CDH8: variants seen among roughly 807,000 people sequenced by gnomAD.
CDH8 encodes the protein cadherin 8.
CDH8 carries 17 observed loss-of-function variants against 68.1 expected under a neutral mutation model. The ratio of observed to expected loss-of-function variants is 0.25; its 90% CI spans 0.17 to 0.37. The LOEUF (loss-of-function observed/expected upper bound fraction) is 0.37. CDH8 is among the 10% of genes least tolerant of loss of function. CDH8 has a pLI of 1.00. For synonymous variants in CDH8, 372 were observed against 365.1 expected (o/e 1.02, Z -0.21); for missense variants, 763 against 999.3 (o/e 0.76, Z 3.19).
chr16:61,751,382 TAAAAAAAAAA>T (rs71134375), intron 8 of CDH8, among the ~76,000 whole-genome samples: 126 of 54,152 alleles, frequency 2.3e-3, no homozygotes, highest in Middle Eastern at 0.017. Context: ...ATATTCTCCT[TAAAAAAAAAA>T]AAAAAAAAAA....
intron 10 of CDH8, among the ~76,000 whole-genome samples, chr16:61,686,897 T>C (rs1964120875): frequency 6.6e-6 from 1 of 151,894 alleles, no homozygotes; most frequent in Non-Finnish European, 1.5e-5. Context: ...AAAGTAGCTT[T>C]TGAAACAACA....
chr16:61,709,078 CA>C (rs1407046758), intron 10 of CDH8, among the ~76,000 whole-genome samples: 1 of 151,838 alleles, frequency 6.6e-6, no homozygotes, highest in Non-Finnish European at 1.5e-5. Flanking sequence ...CTGGGAAACC[CA>C]ATAATAATGG....
Position 61,651,271 on chromosome 16 carries a change from T to A in CDH8, c.*2337A>T, listed in dbSNP as rs1596829754. The A allele has an allele frequency of 6.6e-6, 1 of 152,094 alleles. No individual in the cohort carries two copies. The highest frequency in any genetic ancestry group is 2.4e-5 in the African/African-American group (1 of 41,430). 9.4% of individuals were successfully genotyped at this position (152,094 alleles called of 1,614,324 possible). A position where few individuals can be genotyped will look rare whatever the true frequency, so the allele number is the denominator to read the frequency against. On this transcript the variant is annotated 3_prime_UTR_variant, in exon 12 of 12. Coordinates refer to ENST00000577390, the MANE Select transcript of CDH8 (RefSeq NM_001796.5). ...TAATAATTTACATTCACCAAGCACTTGTTTTAGACACTGTGCCAAGTCCTA... is the reference window on the plus strand; with the variant it reads ...TAATAATTTACATTCACCAAGCACTAGTTTTAGACACTGTGCCAAGTCCTA...
intron 3 of CDH8, among the ~76,000 whole-genome samples, chr16:61,887,686 C>G (rs1206605193): frequency 6.6e-6 from 1 of 152,080 alleles, no homozygotes; most frequent in Non-Finnish European, 1.5e-5. Context: ...CAATCACAGT[C>G]TGAGATACTA....
intron 10 of CDH8, among the ~76,000 whole-genome samples, chr16:61,671,081 C>T (rs141652306): frequency 2.6e-5 from 4 of 152,012 alleles, no homozygotes; most frequent in Non-Finnish European, 5.9e-5. Context: ...TGGGTCTGAG[C>T]ATATATTCAT....
chr16:62,031,975 A>G (rs1031939071), intron 1 of CDH8: 3 of 152,188 alleles, frequency 2.0e-5, no homozygotes, highest in African/African-American at 7.2e-5. Context: ...AGAGACAGGA[A>G]CAAACAGTTC....
chr16:62,017,795 T>A (rs1809001806), intron 2 of CDH8, among the ~76,000 whole-genome samples: 1 of 152,204 alleles, frequency 6.6e-6, no homozygotes, highest in South Asian at 2.1e-4. Flanking sequence ...CTCTCCCCAG[T>A]GACTTTGCAT....
intron 7 of CDH8, among the ~76,000 whole-genome samples, chr16:61,803,882 C>A (rs1273813068): frequency 7.5e-6 from 1 of 133,760 alleles, no homozygotes; most frequent in Non-Finnish European, 1.6e-5. Flanking sequence ...GACTTTAACA[C>A]CCCACTGTCA....
intron 5 of CDH8, among the ~76,000 whole-genome samples, chr16:61,821,348 G>A (rs1962211291): frequency 6.6e-6 from 1 of 152,054 alleles, no homozygotes; most frequent in South Asian, 2.1e-4. Context: ...GCTCTTCTGA[G>A]ATATGAAACT....
rs1377476764 is a variant in CDH8 at position 61,652,885 on chromosome 16, G to A, written c.*723C>T. 9 of 1,525,074 alleles carry A rather than the reference G, an allele frequency of 5.9e-6. No homozygotes were observed. Among genetic ancestry groups the A allele is most frequent in the Non-Finnish European group, 7.9e-6 (9 of 1,141,622 alleles). 94.5% of individuals were successfully genotyped at this position (1,525,074 alleles called of 1,614,324 possible). A position where few individuals can be genotyped will look rare whatever the true frequency, so the allele number is the denominator to read the frequency against. On this transcript the variant is annotated 3_prime_UTR_variant, in exon 12 of 12. Transcript: ENST00000577390. ...TGGAAGAAGATGAAGAGGAGGGAAC[G>A]AGGAATCCTGCTTCTAGAAAACAAG...
chr16:61,928,736 C>T (rs570724127), intron 2 of CDH8, among the ~76,000 whole-genome samples: 1 of 152,140 alleles, frequency 6.6e-6, no homozygotes, highest in Non-Finnish European at 1.5e-5. Context: ...GTTGTATAAG[C>T]CGTCTCATCA....
chr16:61,852,145 G>A (rs1597017886), intron 4 of CDH8, among the ~76,000 whole-genome samples: 1 of 152,172 alleles, frequency 6.6e-6, no homozygotes, highest in Admixed American at 6.6e-5. Context: ...AATAAATAAA[G>A]TTCTTGTTCT....
At chr16:61,757,969 G>T (rs993369449) in intron 8 of CDH8, among the ~76,000 whole-genome samples, 1 of 152,168 alleles carries the variant, frequency 6.6e-6, no homozygotes, top group African/African-American at 2.4e-5. Context: ...TTGAAGTAAG[G>T]TACTGCTGTA....
intron 2 of CDH8, among the ~76,000 whole-genome samples, chr16:62,012,450 G>A (rs920911004): frequency 3.9e-5 from 6 of 152,126 alleles, no homozygotes; most frequent in Non-Finnish European, 8.8e-5. Flanking sequence ...TTTATTAATT[G>A]ATGAGATTGG....
intron 1 of CDH8, among the ~76,000 whole-genome samples, chr16:62,028,551 G>C (rs1009461082): frequency 1.3e-5 from 2 of 152,062 alleles, no homozygotes; most frequent in African/African-American, 2.4e-5. Flanking sequence ...TTCTGTTACA[G>C]AAATTTCAGA....
At chr16:61,730,303 C>T (rs1418263181) in intron 8 of CDH8, among the ~76,000 whole-genome samples, 1 of 151,342 alleles carries the variant, frequency 6.6e-6, no homozygotes, top group East Asian at 1.9e-4. Context: ...ATCCCTGGGG[C>T]CCAGTGCAAA....
At chr16:61,910,595 G>A (rs1047051012) in intron 2 of CDH8, among the ~76,000 whole-genome samples, 1 of 152,104 alleles carries the variant, frequency 6.6e-6, no homozygotes, top group Admixed American at 6.6e-5. Context: ...TTGCAAGATA[G>A]TTTAATAACA....
chr16:61,965,200 A>G lies in CDH8; in HGVS notation c.252+55952T>C, dbSNP rs1056098192. ...ACTAACCGTACAAAGTGGTCCATTTATGACCATTTCATCTAACATAGACTT... is the reference window on the plus strand; with the variant it reads ...ACTAACCGTACAAAGTGGTCCATTTGTGACCATTTCATCTAACATAGACTT... On this transcript the variant is annotated intron_variant, in intron 2 of 11. Coordinates refer to ENST00000577390, the MANE Select transcript of CDH8 (RefSeq NM_001796.5). 4.6e-5 allele frequency among the ~76,000 whole-genome samples: 7 copies of G among 152,310 alleles called. No homozygotes were observed. The East Asian group carries it at 1.4e-3, about 29-fold the overall frequency.
intron 2 of CDH8, among the ~76,000 whole-genome samples, chr16:61,909,660 T>C (rs1259546385): frequency 6.6e-6 from 1 of 152,156 alleles, no homozygotes; most frequent in East Asian, 1.9e-4. Context: ...GTAGACAGAA[T>C]AGAGAAGCCT....
Sources: allele counts gnomAD v4.1 joint callset (sites outside exome capture counted in the v4.1 genomes callset), GRCh38; gene constraint gnomAD v4.1.1; transcripts MANE v1.5; gene names NCBI Gene and HGNC (gene_info 2026-07-23, HGNC 2026-07-21).